LRFN2: variants seen among roughly 807,000 people sequenced by gnomAD.
The protein encoded by LRFN2 is leucine rich repeat and fibronectin type III domain containing 2.
Under a neutral mutation model 37.3 loss-of-function variants are expected in LRFN2, and 18 were observed. The ratio of observed to expected loss-of-function variants is 0.48; its 90% CI spans 0.33 to 0.72. The LOEUF (loss-of-function observed/expected upper bound fraction) is 0.72. Ranked by LOEUF, LRFN2 falls within the 30% of genes least tolerant of loss-of-function variation. LRFN2 has a pLI of 0.02. For synonymous variants in LRFN2, 556 were observed against 466.6 expected (o/e 1.19, Z -2.47); for missense variants, 1,006 against 1,060.7 (o/e 0.95, Z 0.72).
At chr6:40,403,290 A>G (rs1435081245) in intron 2 of LRFN2, among the ~76,000 whole-genome samples, 1 of 129,286 alleles carries the variant, frequency 7.7e-6, no homozygotes, top group Non-Finnish European at 1.6e-5. Context: ...GGCCTTCCCT[A>G]AGCACCAGGG....
At chr6:40,455,654 G>A (rs1764219289) in intron 1 of LRFN2, among the ~76,000 whole-genome samples, 1 of 152,220 alleles carries the variant, frequency 6.6e-6, no homozygotes, top group African/African-American at 2.4e-5. Context: ...AGCAGCAGCA[G>A]TATCACTATC....
intron 1 of LRFN2, among the ~76,000 whole-genome samples, chr6:40,456,538 A>G (rs781614436): frequency 6.6e-6 from 1 of 152,348 alleles, no homozygotes; most frequent in Non-Finnish European, 1.5e-5. Flanking sequence ...CAAGGCCACA[A>G]AATAATGATC....
intron 1 of LRFN2, among the ~76,000 whole-genome samples, chr6:40,448,552 T>C (rs1164376342): frequency 6.6e-6 from 1 of 152,220 alleles, no homozygotes; most frequent in African/African-American, 2.4e-5. Context: ...CTTGCTGCAA[T>C]ACTCAAAAAG....
chr6:40,548,466 A>G (rs1251686103), intron 1 of LRFN2, among the ~76,000 whole-genome samples: 1 of 152,152 alleles, frequency 6.6e-6, no homozygotes, highest in Non-Finnish European at 1.5e-5. Context: ...AAAGAAAAAT[A>G]GTACCTACCT....
intron 1 of LRFN2, among the ~76,000 whole-genome samples, chr6:40,478,323 C>T (rs757486572): frequency 1.3e-5 from 2 of 152,186 alleles, no homozygotes; most frequent in African/African-American, 2.4e-5. Flanking sequence ...ACAAAAAGTG[C>T]TAATAATATT....
intron 1 of LRFN2, among the ~76,000 whole-genome samples, chr6:40,438,699 C>T (rs1012275414): frequency 2.7e-4 from 41 of 152,052 alleles, no homozygotes; most frequent in African/African-American, 9.9e-4. Flanking sequence ...TGTTTGGCTA[C>T]ATGTGGGCAC....
chr6:40,570,407 A>G (rs1289160346), intron 1 of LRFN2, among the ~76,000 whole-genome samples: 1 of 152,210 alleles, frequency 6.6e-6, no homozygotes, highest in Non-Finnish European at 1.5e-5. Context: ...CATTTTACAC[A>G]TGAAGAAACT....
intron 2 of LRFN2, among the ~76,000 whole-genome samples, chr6:40,424,406 G>T (rs535504224): frequency 1.3e-5 from 2 of 152,282 alleles, no homozygotes; most frequent in South Asian, 4.1e-4. Flanking sequence ...CCCCACAGCA[G>T]GTACATAGCA....
At chr6:40,582,838 C>T (rs898760910) in intron 1 of LRFN2, among the ~76,000 whole-genome samples, 15 of 151,988 alleles carry the variant, frequency 9.9e-5, no homozygotes, top group Non-Finnish European at 1.9e-4. Context: ...TATTTTTGAC[C>T]CTCTGTTCAA....
In LRFN2 at chr6:40,391,839, C is replaced by A. The variant is rs549968290; in HGVS notation, c.*104G>T. On this transcript the variant is annotated 3_prime_UTR_variant, in exon 3 of 3. Coordinates refer to ENST00000338305, the MANE Select transcript of LRFN2 (RefSeq NM_020737.3). ...CCATTGACAGGGAGACGAAACTGTC[C>A]CTGGATGTAAACATCACCATGGAAA... is the stretch of plus-strand genomic sequence containing the variant. 2 of 1,266,598 alleles carry A rather than the reference C, an allele frequency of 1.6e-6. No homozygotes were observed. Among genetic ancestry groups the A allele is most frequent in the Admixed American group, 5.4e-5 (2 of 36,980 alleles). 78.5% of individuals were successfully genotyped at this position (1,266,598 alleles called of 1,614,324 possible).
At chr6:40,532,506 C>A (rs1272535612) in intron 1 of LRFN2, among the ~76,000 whole-genome samples, 1 of 152,130 alleles carries the variant, frequency 6.6e-6, no homozygotes, top group Non-Finnish European at 1.5e-5. Context: ...AGTCACCAAC[C>A]CAAAGCCACA....
intron 2 of LRFN2, among the ~76,000 whole-genome samples, chr6:40,427,008 C>A (rs1424708339): frequency 6.6e-6 from 1 of 152,198 alleles, no homozygotes; most frequent in Non-Finnish European, 1.5e-5. Flanking sequence ...TCCTCAAGAT[C>A]AACTACAACT....
chr6:40,515,092 C>T (rs928578122), intron 1 of LRFN2, among the ~76,000 whole-genome samples: 2 of 152,166 alleles, frequency 1.3e-5, no homozygotes, highest in African/African-American at 4.8e-5. Flanking sequence ...TTATTTTTGG[C>T]ATGCTTTAGT....
intron 1 of LRFN2, among the ~76,000 whole-genome samples, chr6:40,454,392 T>C (rs536141014): frequency 1.3e-5 from 2 of 152,236 alleles, no homozygotes; most frequent in South Asian, 2.1e-4. Context: ...AAGACAGTTG[T>C]AGGTAAAGAA....
In LRFN2 at chr6:40,559,925, C is replaced by A. The variant is rs118033394; in HGVS notation, c.-19+27016G>T. On this transcript the variant is annotated intron_variant, in intron 1 of 2. Transcript: ENST00000338305. ...GGCTGGCCTCTCTCCCTCTTCCGTT[C>A]CCAGGCACAGTCCTGACTTGGCCCT... Among the ~76,000 whole-genome samples the A allele has an allele frequency of 4.4e-3, 675 of 152,276 alleles. 27 individuals are homozygous for A. In the East Asian group the frequency reaches 0.087, roughly 20 times the overall value.
chr6:40,550,639 C>A (rs564015504), intron 1 of LRFN2, among the ~76,000 whole-genome samples: 67 of 151,654 alleles, frequency 4.4e-4, no homozygotes, highest in African/African-American at 1.6e-3. Flanking sequence ...TGTGGCTTTC[C>A]AATTTTACTA....
intron 1 of LRFN2, among the ~76,000 whole-genome samples, chr6:40,479,243 C>T (rs767653535): frequency 5.3e-5 from 8 of 152,216 alleles, no homozygotes; most frequent in Admixed American, 2.6e-4. Flanking sequence ...TTAATAGAAG[C>T]GATGTCTCTC....
chr6:40,417,261 C>T (rs1581689199), intron 2 of LRFN2, among the ~76,000 whole-genome samples: 3 of 152,252 alleles, frequency 2.0e-5, no homozygotes, highest in South Asian at 2.1e-4. Flanking sequence ...TGTTCAGTGC[C>T]GGCTGCCGCT....
chr6:40,511,448 T>A (rs1046868108), intron 1 of LRFN2, among the ~76,000 whole-genome samples: 2 of 152,176 alleles, frequency 1.3e-5, no homozygotes, highest in African/African-American at 4.8e-5. Context: ...GAATGTGGCA[T>A]TGTTATCCAC....
Sources: allele counts gnomAD v4.1 joint callset (sites outside exome capture counted in the v4.1 genomes callset), GRCh38; gene constraint gnomAD v4.1.1; transcripts MANE v1.5; gene names NCBI Gene and HGNC (gene_info 2026-07-23, HGNC 2026-07-21).